The following PPTC7 variants were observed in gnomAD, a reference collection of about 807,000 sequenced individuals.
The protein encoded by PPTC7 is protein phosphatase PTC7 homolog.
A neutral mutation model predicts 30.8 loss-of-function variants in PPTC7; 6 were observed. The observed-to-expected ratio is 0.19, with a 90% CI of 0.11 to 0.38. PPTC7 has a LOEUF of 0.38. Among genes scored for constraint, PPTC7 ranks in the 10% least tolerant of loss-of-function variants. The probability of loss-of-function intolerance (pLI) is 1.00; values close to 1 mark genes in which losing one functional copy is unlikely to be tolerated. For missense variants in PPTC7, 218 were observed against 404.8 expected (o/e 0.54, Z 3.96); for synonymous variants, 163 against 168.1 (o/e 0.97, Z 0.23).
At chr12:110,570,040 TGG>T (rs1250884309) in intron 1 of PPTC7, among the ~76,000 whole-genome samples, 1 of 152,140 alleles carries the variant, frequency 6.6e-6, no homozygotes, top group African/African-American at 2.4e-5. Context: ...TTAGTATTTG[TGG>T]GGAAAAGCAA....
At chr12:110,555,689 G>GA (rs2064381031) in intron 1 of PPTC7, among the ~76,000 whole-genome samples, 1 of 152,168 alleles carries the variant, frequency 6.6e-6, no homozygotes, top group Non-Finnish European at 1.5e-5. Context: ...AGGGGTGAGG[G>GA]AAAGAGAAGC....
At chr12:110,544,526 A>G (rs1164401641) in intron 3 of PPTC7, among the ~76,000 whole-genome samples, 20 of 152,332 alleles carry the variant, frequency 1.3e-4, no homozygotes. Flanking sequence ...ATAAACTGTA[A>G]AAGTCAACTC....
chr12:110,545,862 G>C lies in PPTC7; in HGVS notation c.602+18C>G. 6.2e-7 allele frequency: 1 copy of C among 1,611,806 alleles called. No homozygotes were observed. Among genetic ancestry groups the C allele is most frequent in the Non-Finnish European group, 8.5e-7 (1 of 1,179,126 alleles). On this transcript the variant is annotated intron_variant, in intron 3 of 5. Transcript: ENST00000354300. ...AGCCACGTCCTGCTCACACTTAATG[G>C]CTGAGAGGGGAGATTACCTGTCGCT...
chr12:110,559,664 T>G (rs936704369), intron 1 of PPTC7, among the ~76,000 whole-genome samples: 144 of 147,460 alleles, frequency 9.8e-4, no homozygotes, highest in African/African-American at 3.4e-3. Flanking sequence ...AGGTGGAGGT[T>G]GCAATGAGCC....
At position 110,561,949 on chromosome 12, in the gene PPTC7, C is replaced by A. The variant is rs779856008; in HGVS notation, c.224-9981G>T. 2.0e-5 allele frequency among the ~76,000 whole-genome samples: 3 copies of A among 151,764 alleles called. No homozygotes were observed. In the East Asian group the frequency reaches 5.8e-4, roughly 29 times the overall value. Reference sequence around the variant, plus strand: ...ACAGCAAGACCTGCCTCAAAAAAAACCCCAACAAAACAAAAAACACTCCCC... The same window carrying A: ...ACAGCAAGACCTGCCTCAAAAAAAAACCCAACAAAACAAAAAACACTCCCC... On this transcript the variant is annotated intron_variant, in intron 1 of 5. Coordinates refer to ENST00000354300, the MANE Select transcript of PPTC7 (RefSeq NM_139283.2).
intron 1 of PPTC7, among the ~76,000 whole-genome samples, chr12:110,565,518 G>C (rs2064476644): frequency 6.6e-6 from 1 of 152,202 alleles, no homozygotes; most frequent in Admixed American, 6.5e-5. Context: ...GCCTCCCAAA[G>C]TGCTGGGATT....
At chr12:110,582,771 T>TCCGAGGCTGGGGCAAGGGAA in intron 1 of PPTC7, 38 bp downstream of exon 1, 1 of 1,491,556 alleles carries the variant, frequency 6.7e-7, no homozygotes, top group Non-Finnish European at 9.0e-7. Flanking sequence ...GGGAGGCGGA[T>TCCGAGGCTGGGGCAAGGGAA]CCGAGGCTGG....
chr12:110,576,439 C>T (rs975841432), intron 1 of PPTC7, among the ~76,000 whole-genome samples: 3 of 152,120 alleles, frequency 2.0e-5, no homozygotes, highest in Admixed American at 6.5e-5. Context: ...GTGCACAGCA[C>T]TATTCACAAT....
intron 3 of PPTC7, among the ~76,000 whole-genome samples, chr12:110,541,883 C>G (rs1392846613): frequency 6.6e-6 from 1 of 151,996 alleles, no homozygotes; most frequent in Non-Finnish European, 1.5e-5. Flanking sequence ...TGGTGGCTCA[C>G]CCCTGTAATC....
At chr12:110,559,443 G>C (rs534724300) in intron 1 of PPTC7, among the ~76,000 whole-genome samples, 1 of 149,622 alleles carries the variant, frequency 6.7e-6, no homozygotes, top group Non-Finnish European at 1.5e-5. Flanking sequence ...ATGGGGTCTC[G>C]GGCCCAGCGT....
chr12:110,553,874 T>G (rs752287138), intron 1 of PPTC7, among the ~76,000 whole-genome samples: 20 of 152,234 alleles, frequency 1.3e-4, no homozygotes, highest in Non-Finnish European at 2.6e-4. Context: ...ACCTATTTTT[T>G]TTGAGACAGA....
rs1211388697 is a variant in PPTC7 at position 110,533,933 on chromosome 12, A to C, written c.*3104T>G. ...CGCTCTCCCATCATGCAAAGCTTGA[A>C]ACCCAGTTTCTAATCTAGACACAGC... On this transcript the variant is annotated 3_prime_UTR_variant, in exon 6 of 6. Coordinates refer to ENST00000354300, the MANE Select transcript of PPTC7 (RefSeq NM_139283.2). 1 of 152,214 alleles carries C rather than the reference A, an allele frequency of 6.6e-6. No individual in the cohort carries two copies. Among genetic ancestry groups the C allele is most frequent in the Non-Finnish European group, 1.5e-5 (1 of 68,042 alleles). The allele number at this position is 152,214 out of a possible 1,614,324, so 9.4% of individuals were successfully genotyped here.
chr12:110,574,587 TTAAAC>T (rs774712112), intron 1 of PPTC7, among the ~76,000 whole-genome samples: 12 of 152,190 alleles, frequency 7.9e-5, no homozygotes, highest in Non-Finnish European at 1.6e-4. Context: ...TTTAAAAACT[TTAAAC>T]TAAATTGAAA....
At position 110,578,920 on chromosome 12, in the gene PPTC7, T is replaced by C. The variant is rs991079668; in HGVS notation, c.223+3889A>G. Among the ~76,000 whole-genome samples, 5 of 151,998 alleles carry C rather than the reference T, an allele frequency of 3.3e-5. No homozygotes were observed. In the East Asian group the frequency reaches 5.8e-4, roughly 18 times the overall value. On this transcript the variant is annotated intron_variant, in intron 1 of 5. Coordinates refer to ENST00000354300, the MANE Select transcript of PPTC7 (RefSeq NM_139283.2). ...TAGCACTTTGGGAGGCTGAGGCAGGTGGATGACATGAGGTCAGGAGTTCGA... is the reference window on the plus strand; with the variant it reads ...TAGCACTTTGGGAGGCTGAGGCAGGCGGATGACATGAGGTCAGGAGTTCGA...
chr12:110,550,366 G>C (rs2064341279), intron 2 of PPTC7, among the ~76,000 whole-genome samples: 2 of 151,818 alleles, frequency 1.3e-5, no homozygotes, highest in African/African-American at 4.8e-5. Context: ...AAGTAGCTGG[G>C]ACCACAGGTG....
At chr12:110,542,673 C>CAAA (rs765332697) in intron 3 of PPTC7, among the ~76,000 whole-genome samples, 29 of 26,774 alleles carry the variant, frequency 1.1e-3, no homozygotes, top group African/African-American at 3.9e-3. Context: ...GACTCTGTCT[C>CAAA]AAAAAAAAAA....
Position 110,583,097 on chromosome 12 carries a change from C to G in PPTC7, c.-66G>C. ...GCAGGAGGACGCGGAGGCCCGGAGC[C>G]GGCTCTCTCCTCAGCCGCAGTCGCG... On this transcript the variant is annotated 5_prime_UTR_variant, in exon 1 of 6. Coordinates refer to ENST00000354300, the MANE Select transcript of PPTC7 (RefSeq NM_139283.2). 2 of 1,268,582 alleles carry G rather than the reference C, an allele frequency of 1.6e-6. No homozygotes were observed. Among genetic ancestry groups the G allele is most frequent in the Non-Finnish European group, 2.0e-6 (2 of 994,150 alleles). The allele number at this position is 1,268,582 out of a possible 1,614,324, so 78.6% of individuals were successfully genotyped here.
intron 2 of PPTC7, among the ~76,000 whole-genome samples, chr12:110,547,614 A>G (rs1032350840): frequency 5.3e-5 from 8 of 152,346 alleles, no homozygotes; most frequent in African/African-American, 1.9e-4. Context: ...TGTACACCAA[A>G]AAGAGTAAAG....
At chr12:110,562,730 T>G (rs1409747257) in intron 1 of PPTC7, among the ~76,000 whole-genome samples, 1 of 151,476 alleles carries the variant, frequency 6.6e-6, no homozygotes, top group Non-Finnish European at 1.5e-5. Context: ...GAAGCAGAGG[T>G]TGCAGTGAGC....
Sources: allele counts gnomAD v4.1 joint callset (sites outside exome capture counted in the v4.1 genomes callset), GRCh38; gene constraint gnomAD v4.1.1; transcripts MANE v1.5; gene names NCBI Gene and HGNC (gene_info 2026-07-23, HGNC 2026-07-21).